The following FER variants were observed in gnomAD, a reference collection of about 807,000 sequenced individuals.
The protein encoded by FER is tyrosine-protein kinase Fer.
A neutral mutation model predicts 111.0 loss-of-function variants in FER; 63 were observed. That is an observed-to-expected ratio of 0.57 (90% CI 0.46 to 0.70). The LOEUF (loss-of-function observed/expected upper bound fraction) is 0.70, where lower values mean the gene tolerates loss of function less well. Among genes scored for constraint, FER ranks in the 30% least tolerant of loss-of-function variants. The probability of loss-of-function intolerance (pLI) is 0.00; values close to 1 mark genes in which losing one functional copy is unlikely to be tolerated. For synonymous variants in FER, 327 were observed against 313.9 expected (o/e 1.04, Z -0.44); for missense variants, 914 against 954.0 (o/e 0.96, Z 0.55).
At chr5:108,992,470 C>A (rs1013435458) in intron 13 of FER, among the ~76,000 whole-genome samples, 8 of 149,010 alleles carry the variant, frequency 5.4e-5, no homozygotes, top group African/African-American at 2.0e-4. Flanking sequence ...AGGCGCCCCT[C>A]ACCTCCCGGA....
intron 17 of FER, among the ~76,000 whole-genome samples, chr5:109,147,914 A>G (rs140623882): frequency 0.012 from 1,804 of 151,822 alleles, 18 homozygotes; most frequent in Non-Finnish European, 0.02. Context: ...CTTTTTTTCC[A>G]TTGACCAATC....
At chr5:108,764,567 T>C (rs1234007212) in intron 1 of FER, among the ~76,000 whole-genome samples, 1 of 151,938 alleles carries the variant, frequency 6.6e-6, no homozygotes, top group Non-Finnish European at 1.5e-5. Flanking sequence ...CCGGCTGATT[T>C]TGTATTTTTA....
chr5:108,967,093 A>G (rs901604375), intron 13 of FER, among the ~76,000 whole-genome samples: 83 of 152,104 alleles, frequency 5.5e-4, no homozygotes, highest in African/African-American at 1.8e-3. Context: ...TACTTGCTGC[A>G]ACAGGTGGCC....
intron 17 of FER, among the ~76,000 whole-genome samples, chr5:109,119,358 A>G (rs562181296): frequency 1.3e-5 from 2 of 152,246 alleles, no homozygotes; most frequent in South Asian, 4.1e-4. Context: ...GTTTGTTTGC[A>G]CTGTGGTCTG....
At chr5:108,892,670 A>G (rs1480322748) in intron 9 of FER, among the ~76,000 whole-genome samples, 1 of 152,056 alleles carries the variant, frequency 6.6e-6, no homozygotes. Context: ...TCTTTAGTTT[A>G]ATTAGATCCC....
chr5:109,014,927 G>A (rs1318530944), intron 13 of FER: 1 of 152,154 alleles, frequency 6.6e-6, no homozygotes, highest in African/African-American at 2.4e-5. Context: ...TATATGTGCT[G>A]CTGAAGCGAG....
chr5:109,040,760 G>T (rs911924295), intron 14 of FER, among the ~76,000 whole-genome samples: 2 of 152,122 alleles, frequency 1.3e-5, no homozygotes, highest in African/African-American at 4.8e-5. Flanking sequence ...ATACTAGTTT[G>T]CAGTTGGGAA....
In FER at chr5:109,051,558, G is replaced by A. The variant is rs774279830; in HGVS notation, c.1924+4360G>A. 83 of 1,609,842 alleles carry A rather than the reference G, an allele frequency of 5.2e-5. No homozygotes were observed. The Middle Eastern group carries it at 6.6e-4, about 13-fold the overall frequency. On this transcript the variant is annotated intron_variant, in intron 16 of 19. Transcript: ENST00000281092. ...AGTTTTGCTCACTTGCTTGCTTGTC[G>A]TAATTGCGGCAAGAAGAATTGTTTC...
chr5:108,869,503 G>A (rs1764399792), intron 6 of FER, among the ~76,000 whole-genome samples: 1 of 152,052 alleles, frequency 6.6e-6, no homozygotes, highest in Admixed American at 6.6e-5. Context: ...AATCATTCTG[G>A]ATTTAGAGTA....
At chr5:108,766,293 C>A (rs1257926425) in intron 1 of FER, among the ~76,000 whole-genome samples, 1 of 152,164 alleles carries the variant, frequency 6.6e-6, no homozygotes, top group Non-Finnish European at 1.5e-5. Flanking sequence ...TATATAACAA[C>A]TCTTGTTGAT....
intron 3 of FER, among the ~76,000 whole-genome samples, chr5:108,811,225 A>C (rs1046504518): frequency 1.1e-4 from 17 of 151,824 alleles, no homozygotes; most frequent in Admixed American, 8.5e-4. Context: ...AGGGTGGGGC[A>C]GGTCATGCTG....
chr5:109,071,346 A>C (rs879320568), intron 16 of FER, among the ~76,000 whole-genome samples: 4 of 152,014 alleles, frequency 2.6e-5, no homozygotes, highest in Non-Finnish European at 5.9e-5. Flanking sequence ...TCATAATTAG[A>C]CTGACCTTAT....
At chr5:108,951,459 C>T (rs190485136) in intron 11 of FER, among the ~76,000 whole-genome samples, 16 of 151,926 alleles carry the variant, frequency 1.1e-4, no homozygotes, top group African/African-American at 2.2e-4. Context: ...TGAGTCTTAA[C>T]GGAATTTTTG....
At chr5:109,079,914 A>G (rs1776792441) in intron 16 of FER, among the ~76,000 whole-genome samples, 1 of 152,138 alleles carries the variant, frequency 6.6e-6, no homozygotes, top group Non-Finnish European at 1.5e-5. Context: ...AGTTTCTGAT[A>G]ATTTATTAAT....
At chr5:109,099,257 T>C (rs1275017173) in intron 16 of FER, among the ~76,000 whole-genome samples, 1 of 151,556 alleles carries the variant, frequency 6.6e-6, no homozygotes, top group African/African-American at 2.4e-5. Context: ...AATGCAAAGT[T>C]TATGGTTGCA....
intron 2 of FER, among the ~76,000 whole-genome samples, chr5:108,795,149 C>G (rs944485450): frequency 6.6e-6 from 1 of 152,202 alleles, no homozygotes; most frequent in Non-Finnish European, 1.5e-5. Context: ...CAAAGTGTGA[C>G]CCCTTCTTTA....
chr5:108,856,056 A>G (rs1462636667), intron 5 of FER, among the ~76,000 whole-genome samples: 3 of 152,108 alleles, frequency 2.0e-5, no homozygotes, highest in African/African-American at 7.2e-5. Flanking sequence ...GAATTGCTGG[A>G]GAAATGTCCC....
intron 17 of FER, among the ~76,000 whole-genome samples, chr5:109,138,516 TA>T (rs1753155346): frequency 1.3e-5 from 2 of 152,200 alleles, no homozygotes; most frequent in African/African-American, 2.4e-5. Flanking sequence ...TTAAATAGTT[TA>T]AAATATAAAA....
intron 16 of FER, among the ~76,000 whole-genome samples, chr5:109,054,608 A>G (rs1017381428): frequency 1.3e-5 from 2 of 152,140 alleles, no homozygotes; most frequent in African/African-American, 2.4e-5. Context: ...AAGTTTAATT[A>G]ATCAATTTTT....
Sources: gnomAD v4.1 joint callset for allele counts (sites outside exome capture counted in the v4.1 genomes callset) on GRCh38, gnomAD v4.1.1 for gene constraint, MANE v1.5 for transcripts, NCBI Gene and HGNC (gene_info 2026-07-23, HGNC 2026-07-21) for gene names.